The following ANO3 variants were observed in gnomAD, a reference collection of about 807,000 sequenced individuals.
The protein encoded by ANO3 is anoctamin-3.
ANO3 carries 99 observed loss-of-function variants against 144.8 expected under a neutral mutation model. That is an observed-to-expected ratio of 0.68 (90% CI 0.58 to 0.81). The LOEUF (loss-of-function observed/expected upper bound fraction) is 0.81. Among genes scored for constraint, ANO3 ranks in the 30% least tolerant of loss-of-function variants. The pLI is 0.00. For synonymous variants in ANO3, 414 were observed against 392.6 expected, an observed-to-expected ratio of 1.05 and a Z score of -0.64; for missense variants, 905 against 1,202.2, an observed-to-expected ratio of 0.75 and a Z score of 3.66.
intron 3 of ANO3, among the ~76,000 whole-genome samples, chr11:26,460,298 A>G (rs1859339773): frequency 6.6e-6 from 1 of 151,778 alleles, no homozygotes; most frequent in Non-Finnish European, 1.5e-5. Context: ...TTCAAGAGGT[A>G]TATGTGCACG....
At chr11:26,583,531 G>A (rs989485968) in intron 14 of ANO3, among the ~76,000 whole-genome samples, 2 of 152,258 alleles carry the variant, frequency 1.3e-5, no homozygotes, top group African/African-American at 4.8e-5. Context: ...CATATTTACA[G>A]GCTCTTCGTA....
chr11:26,639,587 C>T lies in ANO3; in HGVS notation c.2141+346C>T, dbSNP rs193184316. ...ATAAAAATAATTTTCCGGGGTGTTTCTTTTGCTACCAGCAGACCAAGTTTG... is the reference window on the plus strand; with the variant it reads ...ATAAAAATAATTTTCCGGGGTGTTTTTTTTGCTACCAGCAGACCAAGTTTG... On this transcript the variant is annotated intron_variant, in intron 21 of 26. Transcript: ENST00000256737. Among the ~76,000 whole-genome samples the T allele has an allele frequency of 1.2e-3, 182 of 152,244 alleles. 1 individual carries two copies. Among genetic ancestry groups the T allele is most frequent in the Non-Finnish European group, 2.2e-3 (152 of 67,998 alleles).
intron 1 of ANO3, among the ~76,000 whole-genome samples, chr11:26,227,565 C>A (rs1237440183): frequency 2.0e-5 from 3 of 152,184 alleles, no homozygotes; most frequent in Non-Finnish European, 4.4e-5. Context: ...TTCATCTCTA[C>A]AGTTGATATT....
chr11:26,603,510 C>T (rs1441595280), intron 17 of ANO3, among the ~76,000 whole-genome samples: 2 of 151,356 alleles, frequency 1.3e-5, no homozygotes, highest in African/African-American at 4.9e-5. Context: ...AAAAAGAGAC[C>T]CCTTAAATAA....
rs151122902 is a variant in ANO3 at position 26,191,414 on chromosome 11, T to G, written c.154+2084T>G. Among the ~76,000 whole-genome samples the G allele has an allele frequency of 6.1e-3, 923 of 152,182 alleles. 5 individuals are homozygous for G. Among genetic ancestry groups the G allele is most frequent in the Middle Eastern group, 0.01 (3 of 294 alleles). ...TGGCTGAGGAACTGAAACACCGCTCTCTTCATTTCCCTCAATGCAGACACC... is the reference window on the plus strand; with the variant it reads ...TGGCTGAGGAACTGAAACACCGCTCGCTTCATTTCCCTCAATGCAGACACC... On this transcript the variant is annotated intron_variant, in intron 1 of 27. Transcript: ENST00000672621.
chr11:26,599,292 C>T (rs1413490026), intron 16 of ANO3, among the ~76,000 whole-genome samples: 1 of 152,136 alleles, frequency 6.6e-6, no homozygotes, highest in African/African-American at 2.4e-5. Flanking sequence ...TAAAAATGAG[C>T]ATTCCATTTA....
intron 4 of ANO3, among the ~76,000 whole-genome samples, chr11:26,497,124 G>T (rs550862077): frequency 6.7e-6 from 1 of 149,426 alleles, no homozygotes; most frequent in African/African-American, 2.5e-5. Context: ...ATGTATACAC[G>T]TATATATGTA....
At chr11:26,644,457 C>T (rs149918241) in intron 23 of ANO3, among the ~76,000 whole-genome samples, 269 of 152,228 alleles carry the variant, frequency 1.8e-3, no homozygotes, top group Non-Finnish European at 3.1e-3. Context: ...CAGATTATTT[C>T]CTCAGGATAC....
intron 14 of ANO3, among the ~76,000 whole-genome samples, chr11:26,584,609 G>GA (rs1009744017): frequency 6.6e-6 from 1 of 151,900 alleles, no homozygotes; most frequent in African/African-American, 2.4e-5. Flanking sequence ...AAAAGCTAAG[G>GA]AAAAAAAGAC....
chr11:26,386,330 C>T (rs1056326139), intron 1 of ANO3, among the ~76,000 whole-genome samples: 4 of 152,120 alleles, frequency 2.6e-5, no homozygotes, highest in African/African-American at 7.2e-5. Flanking sequence ...CGTTACAATG[C>T]TAAATGGTGA....
intron 3 of ANO3, among the ~76,000 whole-genome samples, chr11:26,445,816 A>ATTATT (rs1858681587): frequency 1.3e-5 from 2 of 151,748 alleles, no homozygotes; most frequent in African/African-American, 2.4e-5. Context: ...AGTGTTTTTT[A>ATTATT]TTATTTTATT....
chr11:26,365,975 T>TTTTTTTTTTTTA (rs1856063352), intron 1 of ANO3, among the ~76,000 whole-genome samples: 1 of 87,556 alleles, frequency 1.1e-5, no homozygotes, highest in Non-Finnish European at 2.5e-5. Flanking sequence ...TATATATATA[T>TTTTTTTTTTTTA]ATATATATAT....
At chr11:26,633,339 A>T (rs1852846488) in intron 18 of ANO3, among the ~76,000 whole-genome samples, 1 of 152,150 alleles carries the variant, frequency 6.6e-6, no homozygotes, top group African/African-American at 2.4e-5. Context: ...TCTATAGATG[A>T]CCAAACTGAC....
intron 14 of ANO3, among the ~76,000 whole-genome samples, chr11:26,580,668 C>T (rs1163099844): frequency 6.6e-6 from 1 of 152,142 alleles, no homozygotes; most frequent in Non-Finnish European, 1.5e-5. Flanking sequence ...TATATTCAGA[C>T]ATATTTAACT....
intron 5 of ANO3, among the ~76,000 whole-genome samples, chr11:26,514,572 T>A (rs1215425558): frequency 6.6e-6 from 1 of 152,050 alleles, no homozygotes; most frequent in Admixed American, 6.6e-5. Context: ...TGATCCCAAA[T>A]ACCATGCTTT....
intron 4 of ANO3, among the ~76,000 whole-genome samples, chr11:26,506,193 C>T (rs1272322935): frequency 1.3e-5 from 2 of 152,082 alleles, no homozygotes; most frequent in African/African-American, 4.8e-5. Context: ...CTGGAAATGG[C>T]CTTTTTTGTT....
intron 14 of ANO3, among the ~76,000 whole-genome samples, chr11:26,584,609 GAAAAA>G (rs1009744017): frequency 3.3e-5 from 5 of 151,900 alleles, no homozygotes; most frequent in African/African-American, 9.7e-5. Flanking sequence ...AAAAGCTAAG[GAAAAA>G]AAGACTAAAA....
intron 1 of ANO3, among the ~76,000 whole-genome samples, chr11:26,312,230 A>C (rs1590252256): frequency 6.6e-6 from 1 of 152,116 alleles, no homozygotes; most frequent in Non-Finnish European, 1.5e-5. Context: ...ACATTTTCTT[A>C]ATCCAGTCTA....
chr11:26,225,457 C>T (rs1360822708), intron 1 of ANO3, among the ~76,000 whole-genome samples: 2 of 152,194 alleles, frequency 1.3e-5, no homozygotes, highest in South Asian at 2.1e-4. Flanking sequence ...GCCTGACACC[C>T]TCTTTCATGC....
Sources: gnomAD v4.1 joint callset for allele counts (sites outside exome capture counted in the v4.1 genomes callset) on GRCh38, gnomAD v4.1.1 for gene constraint, MANE v1.5 for transcripts, NCBI Gene and HGNC (gene_info 2026-07-23, HGNC 2026-07-21) for gene names.